TTC7B: variants seen among roughly 807,000 people sequenced by gnomAD.
The protein encoded by TTC7B is tetratricopeptide repeat domain 7B.
In TTC7B, 28 loss-of-function variants were observed where a neutral mutation model predicts 106.8. That is an observed-to-expected ratio of 0.26 (90% CI 0.19 to 0.36). The LOEUF (loss-of-function observed/expected upper bound fraction) is 0.36, where lower values mean the gene tolerates loss of function less well. TTC7B is among the 10% of genes least tolerant of loss of function. The pLI is 1.00. For synonymous variants in TTC7B, 405 were observed against 430.6 expected (o/e 0.94, Z 0.74); for missense variants, 862 against 1,076.4 (o/e 0.80, Z 2.79).
chr14:90,691,610 G>C (rs1213203048), intron 6 of TTC7B, among the ~76,000 whole-genome samples: 1 of 152,208 alleles, frequency 6.6e-6, no homozygotes, highest in East Asian at 1.9e-4. Context: ...AGAGAAAGGT[G>C]GGAAGTGGGC....
chr14:90,749,678 T>C (rs1890080511), intron 3 of TTC7B, among the ~76,000 whole-genome samples: 1 of 152,184 alleles, frequency 6.6e-6, no homozygotes, highest in Non-Finnish European at 1.5e-5. Context: ...GTGCTGGGAT[T>C]ACAGGCATGA....
At chr14:90,698,851 G>A (rs2139951600) in intron 5 of TTC7B, 2 of 241,838 alleles carry the variant, frequency 8.3e-6, no homozygotes, top group East Asian at 1.5e-4. Context: ...TCAGGCCAGA[G>A]TCCCACAGCC....
At chr14:90,626,796 C>T (rs1455516807) in intron 15 of TTC7B, among the ~76,000 whole-genome samples, 4 of 152,090 alleles carry the variant, frequency 2.6e-5, no homozygotes, top group Non-Finnish European at 5.9e-5. Flanking sequence ...ATGCCAGCCC[C>T]GGTCAGTCCA....
At chr14:90,603,198 GGGA>G (rs1595196347) in intron 17 of TTC7B, 3 of 1,127,342 alleles carry the variant, frequency 2.7e-6, no homozygotes, top group Non-Finnish European at 3.6e-6. Flanking sequence ...CCGTGGTGGG[GGGA>G]GTGTGATTCT....
At position 90,537,615 on chromosome 14, in the gene TTC7B, CCCCCT is replaced by C. The variant is rs1192017739; in HGVS notation, c.*3748_*3752del. 1.3e-5 allele frequency: 2 copies of C among 152,418 alleles called. No homozygotes were observed. The highest frequency in any genetic ancestry group is 4.8e-5 in the African/African-American group (2 of 41,430). 9.4% of individuals were successfully genotyped at this position (152,418 alleles called of 1,614,324 possible). A position where few individuals can be genotyped will look rare whatever the true frequency, so the allele number is the denominator to read the frequency against. ...TTCTCATCCTTCACCACCTGACCAT[CCCCCT>C]CCCCTCTGGGCCTTTGCACCTGCTG... is the stretch of plus-strand genomic sequence containing the variant. On this transcript the variant is annotated 3_prime_UTR_variant, in exon 20 of 20. Coordinates refer to ENST00000328459, the MANE Select transcript of TTC7B (RefSeq NM_001010854.2).
intron 4 of TTC7B, among the ~76,000 whole-genome samples, chr14:90,730,593 A>C (rs1458363189): frequency 6.6e-6 from 1 of 152,218 alleles, no homozygotes; most frequent in Non-Finnish European, 1.5e-5. Flanking sequence ...GGTCACTCAC[A>C]GGCAGACTGC....
chr14:90,769,338 T>C (rs1051166705), intron 3 of TTC7B, among the ~76,000 whole-genome samples: 2 of 152,164 alleles, frequency 1.3e-5, no homozygotes, highest in Non-Finnish European at 2.9e-5. Flanking sequence ...CTACTTTAAA[T>C]GGAAATGGAT....
chr14:90,812,927 G>A (rs1014418709), intron 1 of TTC7B, among the ~76,000 whole-genome samples: 4 of 152,090 alleles, frequency 2.6e-5, no homozygotes, highest in Admixed American at 6.5e-5. Flanking sequence ...GGGCTGCCAC[G>A]CTTCCTTCCC....
chr14:90,815,641 A>AC, intron 1 of TTC7B, among the ~76,000 whole-genome samples: 1 of 151,432 alleles, frequency 6.6e-6, no homozygotes, highest in Non-Finnish European at 1.5e-5. Flanking sequence ...CACCCCACAC[A>AC]CCTCGAGTCT....
chr14:90,581,312 T>C (rs193233629), intron 18 of TTC7B, among the ~76,000 whole-genome samples: 3 of 152,262 alleles, frequency 2.0e-5, no homozygotes, highest in Admixed American at 1.3e-4. Context: ...TGAACTTCTA[T>C]ACTCACAGGG....
intron 17 of TTC7B, chr14:90,601,950 G>A (rs1446788417): frequency 2.9e-6 from 1 of 342,516 alleles, no homozygotes; most frequent in Non-Finnish European, 5.8e-6. Context: ...GAGGAACCTG[G>A]CAGGGAAATC....
intron 5 of TTC7B, among the ~76,000 whole-genome samples, chr14:90,706,956 C>T (rs373543826): frequency 6.6e-6 from 1 of 152,214 alleles, no homozygotes; most frequent in Non-Finnish European, 1.5e-5. Context: ...GACACAAATA[C>T]CTCAGATTTC....
intron 1 of TTC7B, among the ~76,000 whole-genome samples, chr14:90,789,902 A>AGGTCAGAGTCCAAGGAGATGTTAGGAC (rs1566889259): frequency 7.0e-6 from 1 of 142,084 alleles, no homozygotes; most frequent in Non-Finnish European, 1.6e-5. Flanking sequence ...TCTCAAAAAA[A>AGGTCAGAGTCCAAGGAGATGTTAGGAC]AAAAAAAAAA....
At chr14:90,612,672 A>G (rs1892922791) in intron 16 of TTC7B, among the ~76,000 whole-genome samples, 1 of 152,226 alleles carries the variant, frequency 6.6e-6, no homozygotes, top group South Asian at 2.1e-4. Context: ...TCAGATGAAG[A>G]TAAGGATTGT....
chr14:90,639,554 G>A (rs1885081264), intron 15 of TTC7B, among the ~76,000 whole-genome samples: 1 of 152,226 alleles, frequency 6.6e-6, no homozygotes, highest in African/African-American at 2.4e-5. Context: ...ATTGGTGTAT[G>A]GAACCACAGG....
chr14:90,628,409 A>G (rs1884545591), intron 15 of TTC7B, among the ~76,000 whole-genome samples: 1 of 152,158 alleles, frequency 6.6e-6, no homozygotes, highest in African/African-American at 2.4e-5. Flanking sequence ...TGAGCCCCCA[A>G]GGCCCTGATT....
chr14:90,692,612 A>G (rs1261639960), intron 6 of TTC7B, among the ~76,000 whole-genome samples: 1 of 152,218 alleles, frequency 6.6e-6, no homozygotes, highest in Non-Finnish European at 1.5e-5. Context: ...GACTTTTTAA[A>G]TGCGCTTTTA....
intron 15 of TTC7B, among the ~76,000 whole-genome samples, chr14:90,637,761 T>G (rs535131843): frequency 1.3e-5 from 2 of 152,242 alleles, no homozygotes; most frequent in Non-Finnish European, 2.9e-5. Context: ...AGTCATATAA[T>G]CATCTCAATA....
chr14:90,761,089 T>C (rs548424255), intron 3 of TTC7B, among the ~76,000 whole-genome samples: 89 of 152,360 alleles, frequency 5.8e-4, no homozygotes, highest in African/African-American at 1.8e-3. Flanking sequence ...ACTATGGTAT[T>C]CCTGGGCTTA....
Sources: gnomAD v4.1 joint callset for allele counts (sites outside exome capture counted in the v4.1 genomes callset) on GRCh38, gnomAD v4.1.1 for gene constraint, MANE v1.5 for transcripts, NCBI Gene and HGNC (gene_info 2026-07-23, HGNC 2026-07-21) for gene names.